Variants in AKT3 observed in about 807,000 individuals in gnomAD.
AKT3 encodes RAC-gamma serine/threonine-protein kinase.
Under a neutral mutation model 65.3 loss-of-function variants are expected in AKT3, and 15 were observed. The ratio of observed to expected loss-of-function variants is 0.23; its 90% confidence interval spans 0.15 to 0.35. AKT3 has a LOEUF of 0.35. Ranked by LOEUF, AKT3 falls within the 10% of genes least tolerant of loss-of-function variation. The pLI is 1.00. For missense variants in AKT3, 243 were observed against 576.5 expected (o/e 0.42, Z 5.92); for synonymous variants, 206 against 183.8 (o/e 1.12, Z -0.98).
At chr1:243,824,384 T>C (rs966576520) in intron 2 of AKT3, among the ~76,000 whole-genome samples, 2 of 152,058 alleles carry the variant, frequency 1.3e-5, no homozygotes, top group African/African-American at 2.4e-5. Flanking sequence ...CAAAACCAAT[T>C]GCAACAAAAG....
intron 9 of AKT3, among the ~76,000 whole-genome samples, chr1:243,565,365 G>A (rs572037971): frequency 1.4e-4 from 21 of 152,162 alleles, no homozygotes; most frequent in African/African-American, 3.9e-4. Flanking sequence ...CTGGGAACAC[G>A]GGCACGTGCC....
intron 3 of AKT3, among the ~76,000 whole-genome samples, chr1:243,694,087 G>A (rs1426929856): frequency 6.6e-6 from 1 of 152,140 alleles, no homozygotes; most frequent in Non-Finnish European, 1.5e-5. Context: ...TCGTTGGGGT[G>A]TGAAATTTCA....
At chr1:243,518,766 G>A (rs1558583108) in intron 12 of AKT3, among the ~76,000 whole-genome samples, 1 of 152,162 alleles carries the variant, frequency 6.6e-6, no homozygotes, top group Non-Finnish European at 1.5e-5. Context: ...TGGAAAATGT[G>A]TATTATGAAA....
intron 2 of AKT3, among the ~76,000 whole-genome samples, chr1:243,707,153 A>G (rs1685853223): frequency 6.6e-6 from 1 of 152,214 alleles, no homozygotes; most frequent in African/African-American, 2.4e-5. Flanking sequence ...GAGTAAGGCT[A>G]AGGAAACCAA....
intron 2 of AKT3, among the ~76,000 whole-genome samples, chr1:243,825,630 A>G (rs1694121575): frequency 6.6e-6 from 1 of 152,194 alleles, no homozygotes; most frequent in Non-Finnish European, 1.5e-5. Flanking sequence ...ACCTGTGACT[A>G]TCCGTTTCAT....
rs987115319 is a variant in AKT3 at position 243,540,713 on chromosome 1, C to A, written c.1251+4797G>T. Among the ~76,000 whole-genome samples, 3 of 152,270 alleles carry A rather than the reference C, an allele frequency of 2.0e-5. No homozygotes were observed. In the South Asian group the frequency reaches 6.2e-4, roughly 32 times the overall value. ...CCCCTGCCTAGTCCAGGACCCAACC[C>A]AGGATCCCACATCGCAGTTAAGTCA... On this transcript the variant is annotated intron_variant, in intron 12 of 13. Coordinates refer to ENST00000673466, the MANE Select transcript of AKT3 (RefSeq NM_005465.7).
chr1:243,841,986 G>C (rs980166742), intron 2 of AKT3, among the ~76,000 whole-genome samples: 2 of 152,170 alleles, frequency 1.3e-5, no homozygotes, highest in African/African-American at 4.8e-5. Flanking sequence ...AGCAGATAAA[G>C]TGGTTGCCAG....
chr1:243,535,920 T>C (rs940235071), intron 12 of AKT3, among the ~76,000 whole-genome samples: 4 of 152,194 alleles, frequency 2.6e-5, no homozygotes, highest in South Asian at 4.1e-4. Flanking sequence ...ACCATTCTGA[T>C]TGGGGTAAAA....
chr1:243,553,874 A>C (rs1203033982), intron 10 of AKT3, among the ~76,000 whole-genome samples: 1 of 152,154 alleles, frequency 6.6e-6, no homozygotes, highest in African/African-American at 2.4e-5. Context: ...TTTTATTTTA[A>C]AACTATATTT....
At chr1:243,713,533 C>T (rs1186582369) in intron 2 of AKT3, among the ~76,000 whole-genome samples, 3 of 151,948 alleles carry the variant, frequency 2.0e-5, no homozygotes, top group African/African-American at 4.8e-5. Context: ...CATGTTTATG[C>T]GTCTCTCCAA....
At chr1:243,792,814 A>T (rs1691713300) in intron 2 of AKT3, among the ~76,000 whole-genome samples, 1 of 152,218 alleles carries the variant, frequency 6.6e-6, no homozygotes, top group African/African-American at 2.4e-5. Context: ...CCAATAATAA[A>T]GCCAAACATC....
intron 2 of AKT3, among the ~76,000 whole-genome samples, chr1:243,722,767 AC>A (rs1433812779): frequency 2.6e-5 from 4 of 152,316 alleles, no homozygotes; most frequent in Admixed American, 6.5e-5. Context: ...GGCAAATTAT[AC>A]CTCAAATATT....
At chr1:243,724,075 CAT>C (rs753852018) in intron 2 of AKT3, among the ~76,000 whole-genome samples, 1 of 152,080 alleles carries the variant, frequency 6.6e-6, no homozygotes. Flanking sequence ...TTATAACAAA[CAT>C]AAATAATCCT....
At chr1:243,725,265 T>C (rs754419219) in intron 2 of AKT3, among the ~76,000 whole-genome samples, 1 of 151,714 alleles carries the variant, frequency 6.6e-6, no homozygotes, top group African/African-American at 2.4e-5. Flanking sequence ...CTGGAAAGTG[T>C]TGACAGTTTC....
intron 2 of AKT3, among the ~76,000 whole-genome samples, chr1:243,819,020 T>C (rs376654947): frequency 2.0e-5 from 3 of 152,306 alleles, no homozygotes. Flanking sequence ...AACCCGTGGG[T>C]CAGGTCAGGA....
intron 2 of AKT3, among the ~76,000 whole-genome samples, chr1:243,715,600 C>A (rs1420661220): frequency 6.6e-6 from 1 of 152,000 alleles, no homozygotes; most frequent in Admixed American, 6.6e-5. Flanking sequence ...TGGGATCATT[C>A]TCTACAAAGT....
At chr1:243,662,498 C>A (rs1207446899) in intron 4 of AKT3, among the ~76,000 whole-genome samples, 1 of 136,408 alleles carries the variant, frequency 7.3e-6, no homozygotes, top group African/African-American at 2.8e-5. Context: ...TAGGTGGGAA[C>A]TGAACAATGA....
At chr1:243,566,513 G>A (rs1401135275) in intron 9 of AKT3, among the ~76,000 whole-genome samples, 9 of 152,202 alleles carry the variant, frequency 5.9e-5, no homozygotes, top group Non-Finnish European at 1.3e-4. Context: ...AGGGATGACT[G>A]AGAGAGATGG....
chr1:243,493,093 G>C (rs751659212), intron 13 of AKT3, among the ~76,000 whole-genome samples: 7 of 152,138 alleles, frequency 4.6e-5, no homozygotes, highest in Non-Finnish European at 8.8e-5. Context: ...CCCACACTCT[G>C]TATTCCGGGA....
Sources: allele counts gnomAD v4.1 joint callset (sites outside exome capture counted in the v4.1 genomes callset), GRCh38; gene constraint gnomAD v4.1.1; transcripts MANE v1.5; gene names NCBI Gene and HGNC (gene_info 2026-07-23, HGNC 2026-07-21).